Variants in PABPC4L observed in about 807,000 individuals in gnomAD.
The protein encoded by PABPC4L is polyadenylate-binding protein 4-like.
For synonymous variants in PABPC4L, 169 were observed against 164.1 expected, an observed-to-expected ratio of 1.03 and a Z score of -0.23; for missense variants, 452 against 451.4, an observed-to-expected ratio of 1.00 and a Z score of -0.01.
chr4:134,139,964 A>C, the PABPC4L span, among the ~76,000 whole-genome samples: 1 of 151,908 alleles, frequency 6.6e-6, no homozygotes, highest in Non-Finnish European at 1.5e-5. Flanking sequence ...ATACAAAATA[A>C]TACATTTTTC....
At chr4:134,174,822 T>G in the PABPC4L span, among the ~76,000 whole-genome samples, 1 of 152,138 alleles carries the variant, frequency 6.6e-6, no homozygotes, top group African/African-American at 2.4e-5. Flanking sequence ...TATATCACCT[T>G]GTCTAATTTT....
At chr4:134,040,810 T>G in the PABPC4L span, among the ~76,000 whole-genome samples, 2 of 151,724 alleles carry the variant, frequency 1.3e-5, no homozygotes, top group Admixed American at 1.3e-4. Context: ...TGGGAGAAAA[T>G]TTTTGCAATC....
At chr4:134,096,943 T>C in the PABPC4L span, among the ~76,000 whole-genome samples, 5 of 152,080 alleles carry the variant, frequency 3.3e-5, no homozygotes, top group East Asian at 7.8e-4. Context: ...CTAAAGATCA[T>C]TTAAATATAA....
the PABPC4L span, among the ~76,000 whole-genome samples, chr4:134,081,782 A>T: frequency 6.6e-6 from 1 of 152,136 alleles, no homozygotes; most frequent in South Asian, 2.1e-4. Context: ...AACTTAGAAA[A>T]ACCTGAATAA....
chr4:134,019,325 A>T, the PABPC4L span, among the ~76,000 whole-genome samples: 54,180 of 151,966 alleles, frequency 0.36, 11,864 homozygotes, highest in East Asian at 0.92. Flanking sequence ...CACATGAATA[A>T]CTGAAATTGC....
the PABPC4L span, among the ~76,000 whole-genome samples, chr4:134,065,941 C>T: frequency 3.8e-4 from 58 of 152,016 alleles, no homozygotes; most frequent in Admixed American, 1.2e-3. Context: ...GCATTACTTC[C>T]GGGATGTCTA....
the PABPC4L span, among the ~76,000 whole-genome samples, chr4:134,007,892 G>C: frequency 6.6e-6 from 1 of 151,610 alleles, no homozygotes; most frequent in Non-Finnish European, 1.5e-5. Context: ...GAGATAAACT[G>C]TTTTACTGAA....
At chr4:134,099,964 C>T in the PABPC4L span, among the ~76,000 whole-genome samples, 1 of 151,704 alleles carries the variant, frequency 6.6e-6, no homozygotes, top group Admixed American at 6.6e-5. Context: ...TTATGCATTA[C>T]TATTTCCAGT....
the PABPC4L span, among the ~76,000 whole-genome samples, chr4:134,128,409 G>T: frequency 2.0e-5 from 3 of 152,168 alleles, no homozygotes; most frequent in African/African-American, 7.2e-5. Flanking sequence ...AGAGCTGTGA[G>T]TCGAAAGCAT....
chr4:134,068,930 G>A, the PABPC4L span, among the ~76,000 whole-genome samples: 10 of 152,040 alleles, frequency 6.6e-5, no homozygotes, highest in African/African-American at 2.2e-4. Flanking sequence ...GGCTGGTCTC[G>A]AACTCCTGAC....
chr4:134,046,731 T>C, the PABPC4L span, among the ~76,000 whole-genome samples: 1 of 152,140 alleles, frequency 6.6e-6, no homozygotes, highest in Admixed American at 6.6e-5. Context: ...GAATGGAGAA[T>C]GGTGATGACT....
At chr4:134,042,642 G>T in the PABPC4L span, among the ~76,000 whole-genome samples, 3 of 152,254 alleles carry the variant, frequency 2.0e-5, no homozygotes, top group Non-Finnish European at 4.4e-5. Flanking sequence ...AACTTGGGTC[G>T]AGCTGGCCTA....
the PABPC4L span, among the ~76,000 whole-genome samples, chr4:134,140,408 T>G: frequency 2.0e-5 from 3 of 151,846 alleles, no homozygotes; most frequent in Admixed American, 2.0e-4. Context: ...ATTCTAATAT[T>G]TGTATAATAA....
At chr4:133,986,399 A>C in the PABPC4L span, among the ~76,000 whole-genome samples, 1 of 152,100 alleles carries the variant, frequency 6.6e-6, no homozygotes, top group African/African-American at 2.4e-5. Flanking sequence ...ACTTTACACT[A>C]CAAGTTAGAA....
the PABPC4L span, among the ~76,000 whole-genome samples, chr4:134,005,861 A>G: frequency 6.6e-6 from 1 of 151,730 alleles, no homozygotes; most frequent in Non-Finnish European, 1.5e-5. Context: ...ACTCAATCCA[A>G]GCAAACGACA....
chr4:134,018,818 CTA>C, the PABPC4L span, among the ~76,000 whole-genome samples: 1 of 151,952 alleles, frequency 6.6e-6, no homozygotes, highest in Non-Finnish European at 1.5e-5. Context: ...AAGTAGGAAA[CTA>C]TGAATGAAAC....
the PABPC4L span, among the ~76,000 whole-genome samples, chr4:133,977,427 T>C: frequency 1.3e-5 from 2 of 152,166 alleles, no homozygotes; most frequent in Non-Finnish European, 2.9e-5. Flanking sequence ...ATTTTTTAAA[T>C]AGTTTTTTTC....
At chr4:134,120,705 A>G in the PABPC4L span, among the ~76,000 whole-genome samples, 1 of 151,376 alleles carries the variant, frequency 6.6e-6, no homozygotes, top group African/African-American at 2.4e-5. Flanking sequence ...TCAGTCTAAT[A>G]TTTACTTCTT....
the PABPC4L span, among the ~76,000 whole-genome samples, chr4:134,074,503 GC>G: frequency 6.6e-6 from 1 of 152,006 alleles, no homozygotes; most frequent in Non-Finnish European, 1.5e-5. Context: ...CTTATTTTGA[GC>G]CCCCAAAACT....
Sources: gnomAD v4.1 joint callset for allele counts (sites outside exome capture counted in the v4.1 genomes callset) on GRCh38, gnomAD v4.1.1 for gene constraint, MANE v1.5 for transcripts, NCBI Gene and HGNC (gene_info 2026-07-23, HGNC 2026-07-21) for gene names.